Variants in CAMK1D observed in about 807,000 individuals in gnomAD.
CAMK1D encodes calcium/calmodulin dependent protein kinase ID, also known as calcium/calmodulin-dependent protein kinase type 1D.
Under a neutral mutation model 47.7 loss-of-function variants are expected in CAMK1D, and 9 were observed. That is an observed-to-expected ratio of 0.19 (90% CI 0.11 to 0.33). The LOEUF is 0.33. CAMK1D is among the 10% of genes least tolerant of loss of function. CAMK1D has a pLI of 1.00. For synonymous variants in CAMK1D, 184 were observed against 184.9 expected (o/e 0.99, Z 0.04); for missense variants, 291 against 488.7 (o/e 0.60, Z 3.81).
chr10:12,423,855 G>A (rs751405389), intron 1 of CAMK1D, among the ~76,000 whole-genome samples: 30 of 152,184 alleles, frequency 2.0e-4, no homozygotes, highest in Non-Finnish European at 4.0e-4. Context: ...TGAGTGGTGT[G>A]TATCTGAAAT....
In CAMK1D at chr10:12,515,908, G is replaced by C. The variant is rs1835196693; in HGVS notation, c.93-37317G>C. On this transcript the variant is annotated intron_variant, in intron 1 of 10. Transcript: ENST00000619168. ...TTACAGGCGTGAGCCACCGTGCAGG[G>C]CCATAGTTTTCCTTTTCTAGAATGT... Among the ~76,000 whole-genome samples, 3 of 152,010 alleles carry C rather than the reference G, an allele frequency of 2.0e-5. No individual in the cohort carries two copies. In the South Asian group the frequency reaches 6.2e-4, roughly 32 times the overall value.
chr10:12,505,840 T>G (rs1208707549), intron 1 of CAMK1D, among the ~76,000 whole-genome samples: 1 of 89,052 alleles, frequency 1.1e-5, no homozygotes, highest in African/African-American at 3.2e-5. Context: ...AAACCAATGA[T>G]TTTCAGACAG....
At chr10:12,552,931 C>T (rs1194289484) in intron 1 of CAMK1D, among the ~76,000 whole-genome samples, 3 of 151,992 alleles carry the variant, frequency 2.0e-5, no homozygotes. Context: ...TTAGTAGAGA[C>T]GGGGTTTCAT....
intron 1 of CAMK1D, among the ~76,000 whole-genome samples, chr10:12,452,321 C>A (rs1038425783): frequency 6.6e-6 from 1 of 151,708 alleles, no homozygotes. Context: ...TATACAGTGT[C>A]CAGTTTTTCT....
At chr10:12,740,611 AG>A (rs772047568) in intron 3 of CAMK1D, among the ~76,000 whole-genome samples, 1 of 152,144 alleles carries the variant, frequency 6.6e-6, no homozygotes, top group Admixed American at 6.6e-5. Context: ...AGAAAAAAAA[AG>A]AAAAGAAACT....
intron 2 of CAMK1D, among the ~76,000 whole-genome samples, chr10:12,571,484 A>G (rs1221444304): frequency 2.6e-5 from 4 of 151,822 alleles, no homozygotes; most frequent in Non-Finnish European, 4.4e-5. Context: ...AAAAAAAGAA[A>G]TAAAGAAATG....
intron 2 of CAMK1D, among the ~76,000 whole-genome samples, chr10:12,648,424 C>G (rs972175066): frequency 1.3e-5 from 2 of 152,188 alleles, no homozygotes; most frequent in African/African-American, 4.8e-5. Context: ...AATGGCTACT[C>G]CGCTAGATGG....
chr10:12,450,359 A>T (rs368935061), intron 1 of CAMK1D, among the ~76,000 whole-genome samples: 5 of 152,070 alleles, frequency 3.3e-5, no homozygotes, highest in African/African-American at 4.8e-5. Context: ...TAACTCCATG[A>T]GCTCTCAGGT....
chr10:12,483,117 G>A (rs1834113381), intron 1 of CAMK1D, among the ~76,000 whole-genome samples: 1 of 152,154 alleles, frequency 6.6e-6, no homozygotes, highest in Non-Finnish European at 1.5e-5. Context: ...GGGTGGACCT[G>A]GGTGTAGCCC....
At chr10:12,668,979 C>T (rs899928447) in intron 3 of CAMK1D, among the ~76,000 whole-genome samples, 1 of 152,100 alleles carries the variant, frequency 6.6e-6, no homozygotes, top group Non-Finnish European at 1.5e-5. Context: ...CGCCTGCAAT[C>T]CCAGCACTTT....
chr10:12,517,443 T>C (rs1360504106), intron 1 of CAMK1D, among the ~76,000 whole-genome samples: 1 of 152,264 alleles, frequency 6.6e-6, no homozygotes, highest in Non-Finnish European at 1.5e-5. Context: ...CTTCTTTGCC[T>C]TATTCTTGAC....
At chr10:12,452,399 G>A (rs971598876) in intron 1 of CAMK1D, among the ~76,000 whole-genome samples, 1 of 150,914 alleles carries the variant, frequency 6.6e-6, no homozygotes, top group Non-Finnish European at 1.5e-5. Flanking sequence ...AATGTTATGT[G>A]GACTGAATAA....
chr10:12,796,563 A>G (rs910502439), intron 6 of CAMK1D, among the ~76,000 whole-genome samples: 11 of 152,114 alleles, frequency 7.2e-5, no homozygotes, highest in Non-Finnish European at 1.5e-4. Context: ...TGGAATACAT[A>G]TGTTCTAAGG....
chr10:12,659,331 G>A (rs1042347744), intron 2 of CAMK1D, among the ~76,000 whole-genome samples: 2 of 152,164 alleles, frequency 1.3e-5, no homozygotes, highest in African/African-American at 2.4e-5. Flanking sequence ...GAGACAGCAC[G>A]GAAAATGGAT....
chr10:12,690,803 G>T (rs890551297), intron 3 of CAMK1D, among the ~76,000 whole-genome samples: 1 of 152,154 alleles, frequency 6.6e-6, no homozygotes, highest in African/African-American at 2.4e-5. Context: ...GTTGGGGGCA[G>T]TTGGGAAAGT....
At chr10:12,705,520 A>AT (rs1325676632) in intron 3 of CAMK1D, among the ~76,000 whole-genome samples, 1 of 152,162 alleles carries the variant, frequency 6.6e-6, no homozygotes, top group African/African-American at 2.4e-5. Context: ...CATAACAATA[A>AT]TAAACATCTT....
chr10:12,381,587 A>G (rs1838348439), intron 1 of CAMK1D, among the ~76,000 whole-genome samples: 1 of 152,138 alleles, frequency 6.6e-6, no homozygotes, highest in South Asian at 2.1e-4. Context: ...TGGCCTCCCA[A>G]AGTGCTGGGA....
chr10:12,717,900 A>G (rs1421500649), intron 3 of CAMK1D, among the ~76,000 whole-genome samples: 1 of 151,636 alleles, frequency 6.6e-6, no homozygotes, highest in African/African-American at 2.4e-5. Context: ...TCAAAAAAAA[A>G]AAAAAAAGAA....
intron 5 of CAMK1D, among the ~76,000 whole-genome samples, chr10:12,778,743 C>G (rs930069073): frequency 4.6e-5 from 7 of 152,080 alleles, no homozygotes; most frequent in African/African-American, 1.7e-4. Context: ...TGTGGTGGCA[C>G]ACACCTGTAG....
Sources: gnomAD v4.1 joint callset for allele counts (sites outside exome capture counted in the v4.1 genomes callset) on GRCh38, gnomAD v4.1.1 for gene constraint, MANE v1.5 for transcripts, NCBI Gene and HGNC (gene_info 2026-07-23, HGNC 2026-07-21) for gene names.